TANGO6: variants seen among roughly 807,000 people sequenced by gnomAD.
The protein encoded by TANGO6 is transport and Golgi organization protein 6 homolog.
In TANGO6, 90 loss-of-function variants were observed where a neutral mutation model predicts 114.2. That is an observed-to-expected ratio of 0.79 (90% CI 0.66 to 0.94). TANGO6 has a LOEUF of 0.94. Ranked by LOEUF, TANGO6 falls within the 40% of genes least tolerant of loss-of-function variation. TANGO6 has a pLI of 0.00. For synonymous variants in TANGO6, 477 were observed against 509.8 expected (o/e 0.94, Z 0.87); for missense variants, 1,274 against 1,315.3 (o/e 0.97, Z 0.49).
intron 15 of TANGO6, among the ~76,000 whole-genome samples, chr16:68,995,423 T>G (rs950139919): frequency 1.3e-5 from 2 of 152,202 alleles, no homozygotes; most frequent in African/African-American, 4.8e-5. Flanking sequence ...CTGGCAAGCC[T>G]CATCAAGACC....
intron 12 of TANGO6, among the ~76,000 whole-genome samples, chr16:68,921,324 A>G (rs1474300835): frequency 2.0e-5 from 3 of 151,466 alleles, no homozygotes; most frequent in Non-Finnish European, 4.4e-5. Context: ...CTGGGATTAC[A>G]GGCATGCACC....
At chr16:68,901,135 A>C (rs1311479292) in intron 8 of TANGO6, among the ~76,000 whole-genome samples, 1 of 152,232 alleles carries the variant, frequency 6.6e-6, no homozygotes, top group Admixed American at 6.5e-5. Context: ...CAAGTCCTAT[A>C]GAATTACGAT....
intron 14 of TANGO6, among the ~76,000 whole-genome samples, chr16:68,952,086 A>G (rs1049423206): frequency 2.0e-5 from 3 of 152,206 alleles, no homozygotes; most frequent in Admixed American, 6.5e-5. Flanking sequence ...CCAAGAAGGC[A>G]ACATGAGATA....
intron 14 of TANGO6, among the ~76,000 whole-genome samples, chr16:68,950,778 G>A (rs1407313917): frequency 2.0e-5 from 3 of 152,080 alleles, no homozygotes; most frequent in Non-Finnish European, 4.4e-5. Flanking sequence ...AGAATCGCTT[G>A]AGCCTGGGAG....
rs893182785 is a variant in TANGO6 at position 69,024,876 on chromosome 16, C to T, written c.2994+1897C>T. ...AGGCTGGAGTGCGGTGGTGCAGTCT[C>T]GGCACACTGCAACCTCCACCTTCCA... On this transcript the variant is annotated intron_variant, in intron 16 of 17. Transcript: ENST00000261778. 5.9e-5 allele frequency among the ~76,000 whole-genome samples: 9 copies of T among 151,934 alleles called. No homozygotes were observed. The East Asian group carries it at 7.7e-4, about 13-fold the overall frequency.
At chr16:69,081,329 C>G (rs114421966) in intron 17 of TANGO6, among the ~76,000 whole-genome samples, 1 of 151,938 alleles carries the variant, frequency 6.6e-6, no homozygotes, top group East Asian at 1.9e-4. Flanking sequence ...CCAATTGCCT[C>G]CTGTACCTAG....
At chr16:68,885,241 T>G (rs1197682709) in intron 7 of TANGO6, among the ~76,000 whole-genome samples, 1 of 152,200 alleles carries the variant, frequency 6.6e-6, no homozygotes, top group Non-Finnish European at 1.5e-5. Context: ...TGGGAACATT[T>G]CCAGCTCTTT....
chr16:68,972,185 C>A (rs1963713053), intron 14 of TANGO6, among the ~76,000 whole-genome samples: 1 of 151,854 alleles, frequency 6.6e-6, no homozygotes, highest in South Asian at 2.1e-4. Flanking sequence ...TGCAGAGGTG[C>A]AGGCTTAGGA....
At chr16:69,049,512 A>T (rs1357584876) in intron 17 of TANGO6, among the ~76,000 whole-genome samples, 1 of 151,340 alleles carries the variant, frequency 6.6e-6, no homozygotes, top group Non-Finnish European at 1.5e-5. Context: ...TCTCACTGCA[A>T]CCTCTGCCTC....
In TANGO6 at chr16:68,947,031, T is replaced by C. The variant is rs1212373896; in HGVS notation, c.2701+16736T>C. ...CATGAGTTAAGTTCGTTTTTCAAGA[T>C]TACACAGCAAATAATTTGAACCATG... On this transcript the variant is annotated intron_variant, in intron 14 of 17. Coordinates refer to ENST00000261778, the MANE Select transcript of TANGO6 (RefSeq NM_024562.2). Among the ~76,000 whole-genome samples the C allele has an allele frequency of 2.0e-5, 3 of 152,228 alleles. No homozygotes were observed. The South Asian group carries it at 6.2e-4, about 32-fold the overall frequency.
At chr16:68,880,685 T>G in intron 7 of TANGO6, 55 bp downstream of exon 7, 1 of 1,390,048 alleles carries the variant, frequency 7.2e-7, no homozygotes, top group Non-Finnish European at 9.7e-7. Flanking sequence ...AAATTTTTTT[T>G]AAATTTTTTC....
intron 14 of TANGO6, among the ~76,000 whole-genome samples, chr16:68,963,494 C>T (rs1316889149): frequency 6.6e-6 from 1 of 152,168 alleles, no homozygotes; most frequent in Non-Finnish European, 1.5e-5. Context: ...AAAGTAGTTT[C>T]TTCTAGTAAT....
At chr16:68,846,689 T>TAG (rs1961812422) in intron 1 of TANGO6, 1 of 162,628 alleles carries the variant, frequency 6.1e-6, no homozygotes, top group African/African-American at 2.6e-5. Context: ...TTTTTTTTAG[T>TAG]AGAGACAGGT....
At position 69,047,362 on chromosome 16, in the gene TANGO6, G is replaced by T. The variant is rs144916159; in HGVS notation, c.3108+6941G>T. ...ATACAAAAATTAGCGAGGCATGATGGTGGTTGCCTGTAGTCCTAGCTCCTC... is the reference window on the plus strand; with the variant it reads ...ATACAAAAATTAGCGAGGCATGATGTTGGTTGCCTGTAGTCCTAGCTCCTC... On this transcript the variant is annotated intron_variant, in intron 17 of 17. Transcript: ENST00000261778. Among the ~76,000 whole-genome samples the T allele has an allele frequency of 1.3e-3, 195 of 152,132 alleles. 1 individual carries two copies. Among genetic ancestry groups the T allele is most frequent in the Middle Eastern group, 0.01 (3 of 294 alleles).
chr16:68,960,945 C>A (rs978277407), intron 14 of TANGO6, among the ~76,000 whole-genome samples: 1 of 152,340 alleles, frequency 6.6e-6, no homozygotes, highest in South Asian at 2.1e-4. Flanking sequence ...CCAAGTTCTT[C>A]ATTTTCTTTC....
intron 17 of TANGO6, among the ~76,000 whole-genome samples, chr16:69,063,802 C>A (rs1243993198): frequency 6.5e-4 from 81 of 124,410 alleles, no homozygotes; most frequent in Middle Eastern, 3.8e-3. Flanking sequence ...TCTTCTTCTT[C>A]TTCTTCTTAT....
Position 68,927,856 on chromosome 16 carries a change from C to A in TANGO6, c.2416C>A (p.Gln806Lys), listed in dbSNP as rs370416619. ...ACAGCAGAGCCATGAGACAGCCCCC[C>A]AGACAGGCCTGCAGTCAAATGCTCC... ...EQQQSHETAP[Q>K]TGLQSNAPII... The change falls in exon 13 of 18, where the codon CAG becomes AAG. Residue 806 changes from glutamine (Q) to lysine (K), a missense_variant. Physicochemically the swap from Gln to Lys is moderately conservative, Grantham distance 53 (BLOSUM62 1). Transcript: ENST00000261778. The A allele has an allele frequency of 1.7e-5, 28 of 1,613,916 alleles. No individual in the cohort carries two copies. Among genetic ancestry groups the A allele is most frequent in the Non-Finnish European group, 2.2e-5 (26 of 1,179,892 alleles).
intron 16 of TANGO6, among the ~76,000 whole-genome samples, chr16:69,032,622 T>C (rs1356996331): frequency 1.3e-5 from 2 of 152,128 alleles, no homozygotes; most frequent in Non-Finnish European, 2.9e-5. Context: ...CTCACACCTG[T>C]AATCCCAGCC....
At chr16:69,012,869 A>T in intron 15 of TANGO6, among the ~76,000 whole-genome samples, 1 of 152,352 alleles carries the variant, frequency 6.6e-6, no homozygotes, top group East Asian at 1.9e-4. Flanking sequence ...ATAAGTTTCA[A>T]CTGAGTCAAT....
Sources: allele counts gnomAD v4.1 joint callset (sites outside exome capture counted in the v4.1 genomes callset), GRCh38; gene constraint gnomAD v4.1.1; transcripts MANE v1.5; gene names NCBI Gene and HGNC (gene_info 2026-07-23, HGNC 2026-07-21).